The following ZSCAN5A variants were observed in gnomAD, a reference collection of about 807,000 sequenced individuals.
ZSCAN5A encodes zinc finger and SCAN domain-containing protein 5A.
Under a neutral mutation model 23.7 loss-of-function variants are expected in ZSCAN5A, and 12 were observed. The ratio of observed to expected loss-of-function variants is 0.51; its 90% CI spans 0.32 to 0.82. The LOEUF (loss-of-function observed/expected upper bound fraction) is 0.82. Among genes scored for constraint, ZSCAN5A ranks in the 40% least tolerant of loss-of-function variants. The pLI, the probability that ZSCAN5A is intolerant of heterozygous loss-of-function variation, is 0.03. For missense variants in ZSCAN5A, 597 were observed against 617.9 expected, an observed-to-expected ratio of 0.97 and a Z score of 0.36; for synonymous variants, 257 against 239.9, an observed-to-expected ratio of 1.07 and a Z score of -0.66.
chr19:56,233,612 C>CTT (rs35551923), intron 2 of ZSCAN5A, among the ~76,000 whole-genome samples: 3 of 135,440 alleles, frequency 2.2e-5, no homozygotes, highest in African/African-American at 8.2e-5. Context: ...ATGAAATCAC[C>CTT]TTTTTTTTTT....
intron 2 of ZSCAN5A, among the ~76,000 whole-genome samples, chr19:56,245,859 G>A (rs1035558916): frequency 3.3e-5 from 5 of 152,092 alleles, no homozygotes; most frequent in African/African-American, 1.2e-4. Flanking sequence ...AGATGTGTTT[G>A]TGTGTCATTG....
intron 2 of ZSCAN5A, among the ~76,000 whole-genome samples, chr19:56,225,835 C>T (rs1379968456): frequency 2.0e-5 from 3 of 152,260 alleles, no homozygotes; most frequent in East Asian, 1.9e-4. Flanking sequence ...AACCCCATCC[C>T]CATCAGTGAT....
chr19:56,279,540 A>C (rs1371060622), intron 2 of ZSCAN5A, among the ~76,000 whole-genome samples: 1 of 152,212 alleles, frequency 6.6e-6, no homozygotes, highest in South Asian at 2.1e-4. Flanking sequence ...TACGTCATGC[A>C]ATTTAATTTT....
chr19:56,278,100 T>TG (rs2038401234), intron 2 of ZSCAN5A, among the ~76,000 whole-genome samples: 1 of 103,846 alleles, frequency 9.6e-6, no homozygotes. Flanking sequence ...CACAATGTGC[T>TG]ATTTTTTTTT....
chr19:56,230,986 C>T (rs540530089), intron 2 of ZSCAN5A, among the ~76,000 whole-genome samples: 2 of 152,172 alleles, frequency 1.3e-5, no homozygotes, highest in African/African-American at 2.4e-5. Context: ...TCCTCAGTAA[C>T]GTACACAGCT....
intron 2 of ZSCAN5A, among the ~76,000 whole-genome samples, chr19:56,346,423 CA>C (rs1357073542): frequency 2.0e-5 from 3 of 149,868 alleles, no homozygotes; most frequent in Non-Finnish European, 4.4e-5. Context: ...GGGAGCAGGG[CA>C]AAAAACCTCA....
intron 2 of ZSCAN5A, among the ~76,000 whole-genome samples, chr19:56,289,789 A>C (rs983073131): frequency 1.3e-5 from 2 of 151,966 alleles, no homozygotes; most frequent in African/African-American, 4.8e-5. Context: ...AATATTTTAC[A>C]TTTTTGTAGA....
chr19:56,294,773 C>T (rs1454965820), intron 2 of ZSCAN5A, among the ~76,000 whole-genome samples: 2 of 152,202 alleles, frequency 1.3e-5, no homozygotes, highest in Non-Finnish European at 2.9e-5. Flanking sequence ...TAAAATGTGT[C>T]TATTCATACA....
chr19:56,334,743 G>T (rs1173244274), intron 2 of ZSCAN5A, among the ~76,000 whole-genome samples: 2 of 152,072 alleles, frequency 1.3e-5, no homozygotes, highest in Admixed American at 6.6e-5. Flanking sequence ...AACCACAGCA[G>T]CCCTATAGAA....
At chr19:56,287,322 T>C (rs928037891) in intron 2 of ZSCAN5A, among the ~76,000 whole-genome samples, 3 of 152,248 alleles carry the variant, frequency 2.0e-5, no homozygotes, top group Non-Finnish European at 4.4e-5. Context: ...TGATGGAGAA[T>C]GTCAGGAACA....
At chr19:56,245,891 T>C (rs537370634) in intron 2 of ZSCAN5A, among the ~76,000 whole-genome samples, 2 of 152,178 alleles carry the variant, frequency 1.3e-5, no homozygotes, top group Admixed American at 6.5e-5. Flanking sequence ...GGGGTGTTGA[T>C]AGCATCTAGA....
At chr19:56,278,302 T>C (rs1294924613) in intron 2 of ZSCAN5A, among the ~76,000 whole-genome samples, 3 of 152,152 alleles carry the variant, frequency 2.0e-5, no homozygotes, top group African/African-American at 7.2e-5. Context: ...CCTGGCTAAT[T>C]TTTGTATATT....
At chr19:56,292,074 C>T (rs996762737) in intron 2 of ZSCAN5A, among the ~76,000 whole-genome samples, 2 of 152,092 alleles carry the variant, frequency 1.3e-5, no homozygotes, top group African/African-American at 2.4e-5. Flanking sequence ...GTTACGGATC[C>T]TGGGCTGCGT....
chr19:56,222,011 G>A lies in ZSCAN5A; in HGVS notation c.1055C>T (p.Ala352Val), dbSNP rs774035887. The A allele has an allele frequency of 1.4e-5, 23 of 1,614,228 alleles. No homozygotes were observed. Among genetic ancestry groups the A allele is most frequent in the Non-Finnish European group, 1.9e-5 (23 of 1,180,038 alleles). The change falls in exon 6 of 6, where the codon GCA (alanine) becomes GTA (valine). Residue 352 changes from alanine to valine, a missense_variant. Ala to Val is a moderately conservative substitution (Grantham distance 64). This residue lies in a region of ZSCAN5A where 406 missense variants were observed against 353.2 expected (regional missense o/e 1.15). Transcript: ENST00000683990. The stretch of plus-strand genomic sequence containing the variant: ...CACGTCACATGCAAAGGGCGGCAGT[G>A]CCTTGGCTTCTTGGCCATCCGGGTG... The part of the protein sequence containing the change: ...VSHPDGQEAK[A>V]LPPFACDVCE...
intron 2 of ZSCAN5A, among the ~76,000 whole-genome samples, chr19:56,251,084 A>T (rs1376123013): frequency 7.3e-5 from 11 of 150,836 alleles, no homozygotes; most frequent in Non-Finnish European, 2.9e-5. Flanking sequence ...CGGGTGGCAG[A>T]GATTGCAGTG....
intron 2 of ZSCAN5A, among the ~76,000 whole-genome samples, chr19:56,259,324 A>G (rs1343598093): frequency 6.6e-6 from 1 of 152,114 alleles, no homozygotes; most frequent in Admixed American, 6.5e-5. Flanking sequence ...TCGGACTCCC[A>G]AAGTGCTGGG....
rs575389958 is a variant in ZSCAN5A at position 56,290,136 on chromosome 19, A to G, written c.-128+23147T>C. On this transcript the variant is annotated intron_variant, in intron 2 of 5. Coordinates refer to ENST00000683990, the MANE Select transcript of ZSCAN5A (RefSeq NM_001322064.3). ...TCTTTGTTCTACCTGGACCTTCTGC[A>G]TGAGAATACCAAGGGGTGGGTCCCA... Among the ~76,000 whole-genome samples, 27 of 152,364 alleles carry G rather than the reference A, an allele frequency of 1.8e-4. No homozygotes were observed. The East Asian group carries it at 3.7e-3, about 21-fold the overall frequency.
intron 2 of ZSCAN5A, among the ~76,000 whole-genome samples, chr19:56,229,444 C>T (rs2034266705): frequency 6.6e-6 from 1 of 152,160 alleles, no homozygotes; most frequent in Non-Finnish European, 1.5e-5. Flanking sequence ...TTTTCTGAGG[C>T]ATGTTCTCAT....
chr19:56,228,546 A>G, intron 2 of ZSCAN5A: 1 of 794,574 alleles, frequency 1.3e-6, no homozygotes, highest in South Asian at 5.7e-5. Flanking sequence ...GGCCTCAGAA[A>G]ATATAGATTT....
Sources: gnomAD v4.1 joint callset for allele counts (sites outside exome capture counted in the v4.1 genomes callset) on GRCh38, gnomAD v4.1.1 for gene constraint, gnomAD v4.1.1 regional missense constraint, MANE v1.5 for transcripts, NCBI Gene and HGNC (gene_info 2026-07-23, HGNC 2026-07-21) for gene names.